Variants in SCN3A observed in about 807,000 individuals in gnomAD.
SCN3A encodes the protein sodium voltage-gated channel alpha subunit 3.
In SCN3A, 60 loss-of-function variants were observed where a neutral mutation model predicts 187.6. That is an observed-to-expected ratio of 0.32 (90% CI 0.26 to 0.40). The LOEUF is 0.40. Ranked by LOEUF, SCN3A falls within the 10% of genes least tolerant of loss-of-function variation. The probability of loss-of-function intolerance (pLI) is 1.00; values close to 1 mark genes in which losing one functional copy is unlikely to be tolerated. For missense variants in SCN3A, 1,601 were observed against 2,428.2 expected (o/e 0.66, Z 7.16); for synonymous variants, 788 against 829.2 (o/e 0.95, Z 0.85).
At chr2:165,149,679 A>G (rs188491331) in intron 11 of SCN3A, among the ~76,000 whole-genome samples, 97 of 152,264 alleles carry the variant, frequency 6.4e-4, no homozygotes, top group African/African-American at 2.1e-3. Flanking sequence ...GTCATCTCTC[A>G]TGTCTGTGTA....
At chr2:165,145,715 TATATC>T (rs1328862546) in intron 12 of SCN3A, among the ~76,000 whole-genome samples, 1 of 152,052 alleles carries the variant, frequency 6.6e-6, no homozygotes, top group Non-Finnish European at 1.5e-5. Context: ...TTATGAAAAA[TATATC>T]ATACCCCTTG....
intron 10 of SCN3A, 98 bp downstream of exon 10, chr2:165,155,664 G>A: frequency 1.4e-6 from 2 of 1,392,704 alleles, no homozygotes; most frequent in South Asian, 2.4e-5. Context: ...CTCCCAAAGT[G>A]CTAGGGTTAC....
rs1346371435 is a variant in SCN3A, at chr2:165,115,540, T to A, written c.3429A>T (p.Thr1143=). The A allele has an allele frequency of 6.2e-7, 1 of 1,613,742 alleles. No individual in the cohort carries two copies. Among genetic ancestry groups the A allele is most frequent in the Admixed American group, 1.7e-5 (1 of 59,994 alleles). The change falls in exon 19 of 28, where the codon ACA becomes ACT. Residue 1143 remains threonine (T), a synonymous_variant. Coordinates refer to ENST00000283254, the MANE Select transcript of SCN3A (RefSeq NM_006922.4). Reference sequence around the variant, plus strand: ...CTTCTCGGGGTAGAACAACATCAACTGTGCTTCCTTCAGATGAGCTGGTTG... The same window carrying A: ...CTTCTCGGGGTAGAACAACATCAACAGTGCTTCCTTCAGATGAGCTGGTTG... The part of the protein sequence containing the change: ...LNATSSSEGS[T]VDVVLPREGE...
At chr2:165,176,086 AGAGT>A in intron 3 of SCN3A, 41 bp downstream of exon 3, 5 of 1,585,180 alleles carry the variant, frequency 3.2e-6, no homozygotes, top group African/African-American at 2.7e-5. Context: ...ATTACAGTTA[AGAGT>A]TTCATTAAAG....
chr2:165,169,068 A>C (rs1689954821), intron 4 of SCN3A, among the ~76,000 whole-genome samples: 1 of 140,192 alleles, frequency 7.1e-6, no homozygotes, highest in African/African-American at 2.8e-5. Context: ...ATTTGAAGCA[A>C]ATGCAAGTTA....
intron 1 of SCN3A, among the ~76,000 whole-genome samples, chr2:165,196,336 G>A (rs145847113): frequency 9.0e-4 from 137 of 152,048 alleles, no homozygotes; most frequent in East Asian, 2.7e-3. Flanking sequence ...AAGCACCAGC[G>A]ACCTGCCTCA....
chr2:165,122,239 C>CTTTTTTTTTTTTTTTT, intron 18 of SCN3A, among the ~76,000 whole-genome samples: 2 of 128,916 alleles, frequency 1.6e-5, no homozygotes, highest in Non-Finnish European at 3.2e-5. Context: ...TCTTTTTTTT[C>CTTTTTTTTTTTTTTTT]TTTTTTTTTT....
rs1206393403 is a variant in SCN3A at position 165,090,649 on chromosome 2, A to G, written c.5504T>C (p.Ile1835Thr). 2 of 1,614,088 alleles carry G rather than the reference A, an allele frequency of 1.2e-6. No individual in the cohort carries two copies. Among genetic ancestry groups the G allele is most frequent in the Non-Finnish European group, 1.7e-6 (2 of 1,179,996 alleles). ...LIAKPNKVQL[I>T]AMDLPMVSGD... ...ACTGACCATGGGCAGATCCATGGCA[A>G]TAAGCTGGACTTTGTTGGGTTTTGC... is the stretch of plus-strand genomic sequence containing the variant. Residue 1835 changes from isoleucine (I) to threonine (T), a missense_variant, in exon 28 of 28, where the codon ATT becomes ACT. By Grantham distance (89) the Ile-to-Thr change is moderately conservative. This residue lies in a region of SCN3A where 110 missense variants were observed against 175.9 expected (regional missense o/e 0.63). Coordinates refer to ENST00000283254, the MANE Select transcript of SCN3A (RefSeq NM_006922.4). This position sits in a 1 kb window ranked among gnomAD's most constrained non-coding sequence, Gnocchi z 4.0.
At chr2:165,157,506 T>C (rs767742715) in intron 9 of SCN3A, among the ~76,000 whole-genome samples, 3 of 152,190 alleles carry the variant, frequency 2.0e-5, no homozygotes, top group Non-Finnish European at 4.4e-5. Context: ...CAAGGGTACA[T>C]ACTTATCACT....
At chr2:165,172,774 A>C (rs1690185092) in intron 3 of SCN3A, among the ~76,000 whole-genome samples, 1 of 152,170 alleles carries the variant, frequency 6.6e-6, no homozygotes, top group African/African-American at 2.4e-5. Flanking sequence ...TACAGCTGAC[A>C]TGCTAAGAGC....
intron 1 of SCN3A, among the ~76,000 whole-genome samples, chr2:165,194,208 G>A (rs1264793068): frequency 6.6e-6 from 1 of 152,084 alleles, no homozygotes; most frequent in Non-Finnish European, 1.5e-5. Flanking sequence ...GTGATATATT[G>A]AACACATGAG....
chr2:165,156,283 G>A (rs1689022233), intron 9 of SCN3A, among the ~76,000 whole-genome samples: 1 of 151,774 alleles, frequency 6.6e-6, no homozygotes, highest in African/African-American at 2.4e-5. Context: ...AAGGCGGGCG[G>A]ATCATAAGGT....
At chr2:165,152,786 T>A (rs1295189242) in intron 11 of SCN3A, among the ~76,000 whole-genome samples, 39 of 150,316 alleles carry the variant, frequency 2.6e-4, no homozygotes, top group Admixed American at 2.5e-3. Context: ...GTGGGGGAGG[T>A]GGGAAGGATA....
rs1187671912 is a variant in SCN3A, at chr2:165,162,641, G to A, written c.882C>T (p.Tyr294=). The change falls in exon 8 of 28, where the codon TAC becomes TAT. Residue 294 remains tyrosine, a synonymous_variant. Transcript: ENST00000283254. ...DSAFETNTTS[Y]FNGTMDSNGT... is the part of the protein sequence containing the mutation. Reference sequence around the variant, plus strand: ...CATTTGAATCCATTGTGCCATTAAAGTAGGAAGTGGTGTTGGTTTCAAAAG... The same window carrying A: ...CATTTGAATCCATTGTGCCATTAAAATAGGAAGTGGTGTTGGTTTCAAAAG... 1 of 1,614,028 alleles carries A rather than the reference G, an allele frequency of 6.2e-7. No homozygotes were observed. The highest frequency in any genetic ancestry group is 1.3e-5 in the African/African-American group (1 of 74,912).
intron 17 of SCN3A, among the ~76,000 whole-genome samples, chr2:165,128,855 A>C (rs2105767419): frequency 6.6e-6 from 1 of 152,234 alleles, no homozygotes; most frequent in South Asian, 2.1e-4. Flanking sequence ...TCAGAATATC[A>C]TGGGATATGT....
intron 25 of SCN3A, 36 bp from the exon 26 acceptor site, chr2:165,094,514 G>C: frequency 7.4e-7 from 1 of 1,351,456 alleles, no homozygotes; most frequent in East Asian, 2.3e-5. Flanking sequence ...ACAATTCTGT[G>C]TTCCAATAGT....
intron 14 of SCN3A, among the ~76,000 whole-genome samples, chr2:165,138,660 CTT>C (rs1687812412): frequency 6.6e-6 from 1 of 152,026 alleles, no homozygotes; most frequent in Non-Finnish European, 1.5e-5. Context: ...TTGTACATAT[CTT>C]TTAGAATTTT....
intron 21 of SCN3A, among the ~76,000 whole-genome samples, chr2:165,105,776 G>A (rs186853838): frequency 6.6e-6 from 1 of 151,974 alleles, no homozygotes; most frequent in African/African-American, 2.4e-5. Flanking sequence ...AAGCAGGAGG[G>A]TTGCTTGAGC....
intron 11 of SCN3A, among the ~76,000 whole-genome samples, chr2:165,153,986 C>CCTTTTTT (rs1559237785): frequency 2.6e-5 from 1 of 39,162 alleles, no homozygotes; most frequent in African/African-American, 1.3e-4. Flanking sequence ...CTATAGCAAA[C>CCTTTTTT]ATTTTTTTTT....
Sources: gnomAD v4.1 joint callset for allele counts (sites outside exome capture counted in the v4.1 genomes callset) on GRCh38, gnomAD v4.1.1 for gene constraint, gnomAD v4.1.1 regional missense constraint, Gnocchi (gnomAD v3.1) non-coding constraint, MANE v1.5 for transcripts, NCBI Gene and HGNC (gene_info 2026-07-23, HGNC 2026-07-21) for gene names.